The following MAPKAPK5 variants were observed in gnomAD, a reference collection of about 807,000 sequenced individuals.
MAPKAPK5 encodes MAPK activated protein kinase 5, also known as MAP kinase-activated protein kinase 5.
Under a neutral mutation model 65.1 loss-of-function variants are expected in MAPKAPK5, and 30 were observed. That is an observed-to-expected ratio of 0.46 (90% CI 0.34 to 0.63). The LOEUF (loss-of-function observed/expected upper bound fraction) is 0.63. Ranked by LOEUF, MAPKAPK5 falls within the 20% of genes least tolerant of loss-of-function variation. The pLI, the probability that MAPKAPK5 is intolerant of heterozygous loss-of-function variation, is 0.01. For missense variants in MAPKAPK5, 433 were observed against 581.4 expected (o/e 0.74, Z 2.63); for synonymous variants, 179 against 204.6 (o/e 0.87, Z 1.07).
chr12:111,890,783 A>G (rs7973713), intron 13 of MAPKAPK5, among the ~76,000 whole-genome samples: 29,676 of 152,074 alleles, frequency 0.2, 3,099 homozygotes, highest in Middle Eastern at 0.27. Flanking sequence ...TCAGCCTCCC[A>G]AATAGCTGGG....
At chr12:111,850,647 A>C (rs1442618878) in intron 1 of MAPKAPK5, among the ~76,000 whole-genome samples, 2 of 152,212 alleles carry the variant, frequency 1.3e-5, no homozygotes, top group Non-Finnish European at 2.9e-5. Context: ...TTTAATGCAG[A>C]CAAAAATGCC....
rs754413564 is a variant in MAPKAPK5, at chr12:111,870,345, T to C, written c.468T>C (p.Phe156=). Residue 156 remains phenylalanine, a synonymous_variant, in exon 6 of 14, where the codon TTT becomes TTC. Transcript: ENST00000550735. The part of the protein sequence containing the change: ...HRDLKPENLL[F]KDNSLDAPVK... ...ACCTCAAGCCTGAAAATCTGCTTTT[T>C]AAGGATAACTCTTTGGTGAGAAGAC... is the stretch of plus-strand genomic sequence containing the variant. 3 of 1,610,824 alleles carry C rather than the reference T, an allele frequency of 1.9e-6. No individual in the cohort carries two copies. In the Admixed American group the frequency reaches 5.0e-5, roughly 27 times the overall value.
rs1308105794 is a variant in MAPKAPK5 at position 111,898,740 on chromosome 12, GAT to G, written c.*5681_*5682del. 1.3e-5 allele frequency: 2 copies of G among 152,164 alleles called. No individual in the cohort carries two copies. The highest frequency in any genetic ancestry group is 4.8e-5 in the African/African-American group (2 of 41,430). The allele number at this position is 152,164 out of a possible 1,614,324, so 9.4% of individuals were successfully genotyped here. ...GACACTGACAAAGGAGAGCTGAACT[GAT>G]AAATGGTACCCTGAAAACTGCAGAA... On this transcript the variant is annotated 3_prime_UTR_variant, in exon 14 of 14. Transcript: ENST00000550735.
intron 1 of MAPKAPK5, among the ~76,000 whole-genome samples, chr12:111,854,948 G>GTT (rs58635554): frequency 6.6e-6 from 1 of 151,986 alleles, no homozygotes; most frequent in African/African-American, 2.4e-5. Context: ...TATTAATTCA[G>GTT]TTTTTTTTAC....
rs1468841679 is a variant in MAPKAPK5, at chr12:111,892,973, G to A, written c.1328G>A (p.Gly443Glu). Residue 443 changes from glycine to glutamate, a missense_variant, in exon 14 of 14, where the codon GGA (glycine) becomes GAA (glutamate). Coordinates refer to ENST00000550735, the MANE Select transcript of MAPKAPK5 (RefSeq NM_003668.4). ...GTTCTTTTTTTGCTTTCAGGTCGTG[G>A]ATTCACAGATAAAGTAGATCGACTA... ...TLQSFSWNGR[G>E]FTDKVDRLKL... 8 of 1,570,534 alleles carry A rather than the reference G, an allele frequency of 5.1e-6. No individual in the cohort carries two copies. In the East Asian group the frequency reaches 1.6e-4, roughly 32 times the overall value.
At chr12:111,858,610 C>A (rs1029089127) in intron 1 of MAPKAPK5, among the ~76,000 whole-genome samples, 2 of 142,148 alleles carry the variant, frequency 1.4e-5, no homozygotes, top group African/African-American at 5.4e-5. Flanking sequence ...GTGGTGCGAT[C>A]GCAGCTCACT....
At chr12:111,853,954 G>A (rs1353955070) in intron 1 of MAPKAPK5, among the ~76,000 whole-genome samples, 1 of 152,098 alleles carries the variant, frequency 6.6e-6, no homozygotes, top group Non-Finnish European at 1.5e-5. Flanking sequence ...GTAATATTAC[G>A]TTATTTTCAG....
Position 111,901,697 on chromosome 12 carries a change from G to T in MAPKAPK5, c.*8636G>T. 1 of 267,432 alleles carries T rather than the reference G, an allele frequency of 3.7e-6. No individual in the cohort carries two copies. Among genetic ancestry groups the T allele is most frequent in the South Asian group, 3.8e-5 (1 of 26,112 alleles). The allele number at this position is 267,432 out of a possible 1,614,324, so 16.6% of individuals were successfully genotyped here. On this transcript the variant is annotated 3_prime_UTR_variant, in exon 14 of 14. Transcript: ENST00000550735. ...GGAGGAAGAAGAGGAGGAAGAATCA[G>T]ATTCCTAAGGTTAGAAATAGGGAGA...
rs2071052337 is a variant in MAPKAPK5 at position 111,901,389 on chromosome 12, C to T, written c.*8328C>T. On this transcript the variant is annotated 3_prime_UTR_variant, in exon 14 of 14. Transcript: ENST00000550735. Reference sequence around the variant, plus strand: ...TGTGGACAGTGGCCCTCCTGGTAAGCTAGGTGGGACACCTTCAGGAGAAGG... The same window carrying T: ...TGTGGACAGTGGCCCTCCTGGTAAGTTAGGTGGGACACCTTCAGGAGAAGG... 1.1e-5 allele frequency: 5 copies of T among 456,046 alleles called. No homozygotes were observed. Among genetic ancestry groups the T allele is most frequent in the South Asian group, 7.7e-5 (5 of 64,562 alleles). 28.2% of individuals were successfully genotyped at this position (456,046 alleles called of 1,614,324 possible). A position where few individuals can be genotyped will look rare whatever the true frequency, so the allele number is the denominator to read the frequency against.
intron 1 of MAPKAPK5, among the ~76,000 whole-genome samples, chr12:111,854,324 C>T (rs991440826): frequency 5.3e-5 from 8 of 151,918 alleles, no homozygotes; most frequent in Non-Finnish European, 1.2e-4. Context: ...TCACTGCAAC[C>T]TCCGCCTCCC....
intron 1 of MAPKAPK5, 53 bp downstream of exon 1, chr12:111,842,822 G>T (rs2068758998): frequency 2.3e-6 from 3 of 1,279,074 alleles, no homozygotes; most frequent in South Asian, 7.0e-5. Context: ...CGTTCTTCTC[G>T]GCTCTAGCCT....
chr12:111,857,082 A>G (rs991802925), intron 1 of MAPKAPK5, among the ~76,000 whole-genome samples: 6 of 152,044 alleles, frequency 3.9e-5, no homozygotes, highest in African/African-American at 1.2e-4. Flanking sequence ...AGGTAGCTCT[A>G]TTTCCTCCTT....
Position 111,901,497 on chromosome 12 carries a change from ATAT to A in MAPKAPK5, c.*8445_*8447del, listed in dbSNP as rs767203103. ...ATTATCATTCATTATACTTTTTATA[ATAT>A]TATTATTAAGTACAATTATTTGATC... is the stretch of plus-strand genomic sequence containing the variant. On this transcript the variant is annotated 3_prime_UTR_variant, in exon 14 of 14. Transcript: ENST00000550735. The A allele has an allele frequency of 1.2e-4, 52 of 425,750 alleles. 1 individual carries two copies. Among genetic ancestry groups the A allele is most frequent in the Admixed American group, 1.9e-4 (7 of 37,716 alleles). The allele number at this position is 425,750 out of a possible 1,614,324, so 26.4% of individuals were successfully genotyped here.
intron 7 of MAPKAPK5, chr12:111,879,294 G>A (rs1232183473): frequency 6.6e-6 from 1 of 151,426 alleles, no homozygotes; most frequent in Non-Finnish European, 1.5e-5. Context: ...TTATTTTCGG[G>A]TTTAATTAAC....
chr12:111,878,671 G>A (rs931895301), intron 7 of MAPKAPK5, among the ~76,000 whole-genome samples: 1 of 151,800 alleles, frequency 6.6e-6, no homozygotes, highest in South Asian at 2.1e-4. Context: ...CTCCTGCCTC[G>A]GCCTCCCAAA....
At chr12:111,880,398 G>A (rs769774023) in intron 7 of MAPKAPK5, 49 bp from the exon 8 acceptor site, 4 of 1,444,544 alleles carry the variant, frequency 2.8e-6, no homozygotes, top group East Asian at 2.3e-5. Flanking sequence ...GCAGGTTATC[G>A]GTGGTGTGAT....
At chr12:111,864,811 G>C (rs1381248991) in intron 1 of MAPKAPK5, among the ~76,000 whole-genome samples, 1 of 152,134 alleles carries the variant, frequency 6.6e-6, no homozygotes, top group Non-Finnish European at 1.5e-5. Context: ...TTCCAATAAT[G>C]TAATCAACTT....
chr12:111,884,120 G>A (rs1005149355), intron 9 of MAPKAPK5, among the ~76,000 whole-genome samples: 8 of 152,150 alleles, frequency 5.3e-5, no homozygotes, highest in Admixed American at 2.0e-4. Context: ...AATGCCAGGA[G>A]GTGAACTAGG....
rs1317032242 is a variant in MAPKAPK5 at position 111,883,566 on chromosome 12, C to T, written c.661-15C>T. 1.2e-6 allele frequency: 2 copies of T among 1,609,292 alleles called. No homozygotes were observed. Among genetic ancestry groups the T allele is most frequent in the Admixed American group, 3.4e-5 (2 of 59,222 alleles). On this transcript the variant is annotated splice_polypyrimidine_tract_variant and intron_variant, in intron 8 of 13. Transcript: ENST00000550735. This position sits in a 1 kb window ranked among gnomAD's most constrained non-coding sequence, Gnocchi z 4.8. The stretch of plus-strand genomic sequence containing the variant: ...TGCTTCTGCTGTGAGTGACCATTTT[C>T]TTTTTTGCTTTCAGAGCTGTGACTT...
Sources: gnomAD v4.1 joint callset for allele counts (sites outside exome capture counted in the v4.1 genomes callset) on GRCh38, gnomAD v4.1.1 for gene constraint, Gnocchi (gnomAD v3.1) non-coding constraint, MANE v1.5 for transcripts, NCBI Gene and HGNC (gene_info 2026-07-23, HGNC 2026-07-21) for gene names.